The following GRIA4 variants were observed in gnomAD, a reference collection of about 807,000 sequenced individuals.
GRIA4 encodes the protein glutamate receptor 4.
GRIA4 carries 34 observed loss-of-function variants against 104.0 expected under a neutral mutation model. The ratio of observed to expected loss-of-function variants is 0.33; its 90% CI spans 0.25 to 0.44. GRIA4 has a LOEUF of 0.44. Ranked by LOEUF, GRIA4 falls within the 20% of genes least tolerant of loss-of-function variation. The pLI, the probability that GRIA4 is intolerant of heterozygous loss-of-function variation, is 1.00. For synonymous variants in GRIA4, 386 were observed against 381.9 expected (o/e 1.01, Z -0.13); for missense variants, 750 against 1,096.5 (o/e 0.68, Z 4.46).
intron 4 of GRIA4, among the ~76,000 whole-genome samples, chr11:105,854,534 AGCTAT>A (rs1944940999): frequency 6.6e-6 from 1 of 152,148 alleles, no homozygotes. Flanking sequence ...CCATTCCTGA[AGCTAT>A]GCTATGAGTA....
intron 3 of GRIA4, 55 bp downstream of exon 3, chr11:105,612,489 AG>A (rs1379589530): frequency 5.9e-6 from 8 of 1,362,404 alleles, no homozygotes; most frequent in Middle Eastern, 1.8e-4. Context: ...CAAGCAATGG[AG>A]TCCTCTTCCT....
At chr11:105,848,113 G>A (rs976958690) in intron 4 of GRIA4, among the ~76,000 whole-genome samples, 1 of 152,188 alleles carries the variant, frequency 6.6e-6, no homozygotes, top group African/African-American at 2.4e-5. Flanking sequence ...GCCACGTCTA[G>A]TTGATTAAAA....
chr11:105,932,642 T>G (rs958998087), intron 13 of GRIA4, among the ~76,000 whole-genome samples: 1 of 152,098 alleles, frequency 6.6e-6, no homozygotes, highest in Non-Finnish European at 1.5e-5. Context: ...TATAAATAAG[T>G]TTCTTGGCTG....
chr11:105,760,281 A>G (rs1035749354), intron 4 of GRIA4, among the ~76,000 whole-genome samples: 2 of 152,036 alleles, frequency 1.3e-5, no homozygotes, highest in African/African-American at 4.8e-5. Flanking sequence ...ATCCTGCCAA[A>G]TGTGTATCAC....
intron 3 of GRIA4, among the ~76,000 whole-genome samples, chr11:105,705,619 G>A (rs1325802203): frequency 1.3e-5 from 2 of 152,132 alleles, no homozygotes; most frequent in Non-Finnish European, 2.9e-5. Flanking sequence ...GAGAGAGAGA[G>A]AGAGAGAGCT....
At chr11:105,924,181 C>A (rs117402213) in intron 11 of GRIA4, among the ~76,000 whole-genome samples, 3 of 152,224 alleles carry the variant, frequency 2.0e-5, no homozygotes, top group Admixed American at 1.3e-4. Flanking sequence ...TATCTAATTA[C>A]TGGAACATAT....
At chr11:105,969,668 C>T (rs1253912893) in intron 14 of GRIA4, among the ~76,000 whole-genome samples, 3 of 152,136 alleles carry the variant, frequency 2.0e-5, no homozygotes, top group Admixed American at 6.6e-5. Flanking sequence ...CTCCTCCCAG[C>T]CCACCCCATT....
At chr11:105,769,768 C>A (rs1941126634) in intron 4 of GRIA4, among the ~76,000 whole-genome samples, 1 of 151,944 alleles carries the variant, frequency 6.6e-6, no homozygotes, top group South Asian at 2.1e-4. Context: ...CAATGTGACA[C>A]ATGAACAAGT....
chr11:105,847,032 T>C (rs919801246), intron 4 of GRIA4, among the ~76,000 whole-genome samples: 2 of 151,844 alleles, frequency 1.3e-5, no homozygotes, highest in African/African-American at 2.4e-5. Flanking sequence ...TCCAGGAAAA[T>C]TGGGGGGATG....
At chr11:105,933,643 T>C (rs1317303078) in intron 13 of GRIA4, 79 bp from the exon 14 acceptor site, 3 of 1,081,974 alleles carry the variant, frequency 2.8e-6, no homozygotes, top group Non-Finnish European at 4.0e-6. Context: ...TAAAACGCTT[T>C]ATTCTTATCT....
At chr11:105,974,695 G>A in intron 16 of GRIA4, 2 of 742,584 alleles carry the variant, frequency 2.7e-6, no homozygotes, top group Non-Finnish European at 4.3e-6. Flanking sequence ...AAATTGGTTC[G>A]GTTTTCTTTG....
intron 3 of GRIA4, among the ~76,000 whole-genome samples, chr11:105,747,614 T>C (rs1325228723): frequency 6.6e-6 from 1 of 152,130 alleles, no homozygotes; most frequent in Non-Finnish European, 1.5e-5. Flanking sequence ...AAAGAATAAA[T>C]ATAGAATATA....
At chr11:105,913,905 A>AT (rs1377585552) in intron 10 of GRIA4, among the ~76,000 whole-genome samples, 19 of 152,036 alleles carry the variant, frequency 1.2e-4, no homozygotes, top group Non-Finnish European at 2.5e-4. Flanking sequence ...CCTAAAAGCA[A>AT]TTACCCTTAT....
intron 10 of GRIA4, chr11:105,913,509 A>G: frequency 1.5e-6 from 1 of 677,630 alleles, no homozygotes; most frequent in Non-Finnish European, 1.8e-6. Context: ...GACTGTGACC[A>G]TATTGATTTA....
At chr11:105,853,274 C>T (rs74814651) in intron 4 of GRIA4, among the ~76,000 whole-genome samples, 5,804 of 152,190 alleles carry the variant, frequency 0.038, 368 homozygotes, top group African/African-American at 0.13. Context: ...ATGAATTTCA[C>T]ACTTACTTCA....
intron 4 of GRIA4, among the ~76,000 whole-genome samples, chr11:105,820,273 A>T (rs982738995): frequency 6.6e-6 from 1 of 152,146 alleles, no homozygotes; most frequent in African/African-American, 2.4e-5. Context: ...AGAGAGTAAG[A>T]TCACACAACT....
chr11:105,949,573 T>C (rs1006221517), intron 14 of GRIA4, among the ~76,000 whole-genome samples: 2 of 152,152 alleles, frequency 1.3e-5, no homozygotes, highest in African/African-American at 2.4e-5. Context: ...CTAGATCTTA[T>C]TATTTAAAGA....
intron 5 of GRIA4, among the ~76,000 whole-genome samples, chr11:105,866,881 G>A (rs1945439478): frequency 6.6e-6 from 1 of 151,776 alleles, no homozygotes; most frequent in African/African-American, 2.4e-5. Flanking sequence ...TGTATTTAAG[G>A]AATCTAACCA....
chr11:105,850,346 A>G (rs1260935912), intron 4 of GRIA4, among the ~76,000 whole-genome samples: 2 of 152,248 alleles, frequency 1.3e-5, no homozygotes, highest in Non-Finnish European at 2.9e-5. Flanking sequence ...AAACTTGCCT[A>G]CATTTATCCC....
Sources: allele counts gnomAD v4.1 joint callset (sites outside exome capture counted in the v4.1 genomes callset), GRCh38; gene constraint gnomAD v4.1.1; transcripts MANE v1.5; gene names NCBI Gene and HGNC (gene_info 2026-07-23, HGNC 2026-07-21).